The following AGXT2 variants were observed in gnomAD, a reference collection of about 807,000 sequenced individuals.
AGXT2 encodes alanine--glyoxylate aminotransferase 2.
AGXT2 carries 61 observed loss-of-function variants against 62.5 expected under a neutral mutation model. The observed-to-expected ratio is 0.98, with a 90% CI of 0.79 to 1.21. The LOEUF (loss-of-function observed/expected upper bound fraction) is 1.21. Among genes scored for constraint, AGXT2 ranks in the 50% most tolerant of loss-of-function variants. AGXT2 has a pLI of 0.00. For missense variants in AGXT2, 666 were observed against 641.5 expected, an observed-to-expected ratio of 1.04 and a Z score of -0.41; for synonymous variants, 243 against 218.7, an observed-to-expected ratio of 1.11 and a Z score of -0.98.
chr5:35,024,254 G>A (rs562370018), intron 9 of AGXT2, among the ~76,000 whole-genome samples: 7 of 152,190 alleles, frequency 4.6e-5, no homozygotes, highest in Non-Finnish European at 8.8e-5. Context: ...GACAGAAATA[G>A]GTGTGAAACA....
At chr5:35,033,264 A>G in intron 6 of AGXT2, 196 bp downstream of exon 6, 1 of 591,010 alleles carries the variant, frequency 1.7e-6, no homozygotes, top group Non-Finnish European at 3.0e-6. Context: ...AAACTCTGTC[A>G]TTAATTATTA....
chr5:35,009,774 TTG>T (rs1766559097), intron 12 of AGXT2, among the ~76,000 whole-genome samples: 3 of 152,202 alleles, frequency 2.0e-5, no homozygotes, highest in African/African-American at 2.4e-5. Context: ...AAGGATAATG[TTG>T]GTTTCTTTTC....
intron 13 of AGXT2, among the ~76,000 whole-genome samples, chr5:35,000,987 T>C (rs748150310): frequency 6.6e-6 from 1 of 152,220 alleles, no homozygotes; most frequent in Non-Finnish European, 1.5e-5. Flanking sequence ...CATGAGATAC[T>C]CAACACTTTA....
At chr5:35,035,398 C>A in intron 4 of AGXT2, 82 bp from the exon 5 acceptor site, 1 of 1,166,568 alleles carries the variant, frequency 8.6e-7, no homozygotes, top group Non-Finnish European at 1.3e-6. Context: ...GGGCAGGTGT[C>A]CAGCCCCTGA....
chr5:35,016,899 G>C (rs1229089410), intron 9 of AGXT2, among the ~76,000 whole-genome samples: 3 of 152,232 alleles, frequency 2.0e-5, no homozygotes, highest in African/African-American at 7.2e-5. Flanking sequence ...ATATGTTAGG[G>C]ACAGAAGCAG....
At chr5:35,031,862 T>G (rs1332958740) in intron 7 of AGXT2, among the ~76,000 whole-genome samples, 5 of 150,038 alleles carry the variant, frequency 3.3e-5, no homozygotes, top group Non-Finnish European at 7.4e-5. Context: ...TATGGGTTAA[T>G]AATCCCACCC....
intron 5 of AGXT2, among the ~76,000 whole-genome samples, 154 bp from the exon 6 acceptor site, chr5:35,033,707 A>C (rs1195819208): frequency 6.7e-6 from 1 of 149,410 alleles, no homozygotes; most frequent in Non-Finnish European, 1.5e-5. Context: ...TGTCGGATCA[A>C]TGTACTTAAT....
chr5:35,009,913 G>A, intron 12 of AGXT2, 87 bp downstream of exon 12: 1 of 1,564,192 alleles, frequency 6.4e-7, no homozygotes, highest in East Asian at 2.2e-5. Context: ...CTCTCTCCTT[G>A]AGAGTAAATG....
chr5:35,017,952 C>A (rs1766913601), intron 9 of AGXT2, among the ~76,000 whole-genome samples: 3 of 151,998 alleles, frequency 2.0e-5, no homozygotes, highest in Admixed American at 2.0e-4. Context: ...CTGATGAGAT[C>A]AACTGGAAGA....
intron 1 of AGXT2, 25 bp from the exon 2 acceptor site, chr5:35,040,688 C>T (rs747577679): frequency 1.3e-6 from 2 of 1,562,678 alleles, no homozygotes; most frequent in African/African-American, 2.7e-5. Context: ...AGTTAGAATC[C>T]TCAACTAAGC....
intron 12 of AGXT2, among the ~76,000 whole-genome samples, chr5:35,008,001 G>A (rs535761358): frequency 5.3e-5 from 8 of 151,914 alleles, no homozygotes; most frequent in South Asian, 4.2e-4. Flanking sequence ...ATATGCCAGC[G>A]CCTCTTCCCC....
intron 4 of AGXT2, among the ~76,000 whole-genome samples, chr5:35,036,096 A>C (rs1322291532): frequency 2.0e-5 from 3 of 151,952 alleles, no homozygotes; most frequent in Non-Finnish European, 2.9e-5. Context: ...AAAAAAAGCA[A>C]GTAAACAAAA....
intron 13 of AGXT2, among the ~76,000 whole-genome samples, chr5:35,002,775 C>CTGG (rs1766277669): frequency 1.2e-5 from 1 of 83,846 alleles, no homozygotes; most frequent in African/African-American, 5.1e-5. Flanking sequence ...TGATAGCAGG[C>CTGG]TGGGGGGGGG....
chr5:35,035,206 T>C lies in AGXT2; in HGVS notation c.581+16A>G. The C allele has an allele frequency of 6.2e-7, 1 of 1,610,386 alleles. No homozygotes were observed. Among genetic ancestry groups the C allele is most frequent in the South Asian group, 1.1e-5 (1 of 91,002 alleles). On this transcript the variant is annotated intron_variant, in intron 5 of 13. Coordinates refer to ENST00000231420, the MANE Select transcript of AGXT2 (RefSeq NM_031900.4). Reference sequence around the variant, plus strand: ...AGTCAGTGTTCCTAAAGTTGAATATTCCAAGTTGTGATTACCTGAAAGAAA... The same window carrying C: ...AGTCAGTGTTCCTAAAGTTGAATATCCCAAGTTGTGATTACCTGAAAGAAA...
At chr5:35,043,096 G>C (rs550828010) in intron 1 of AGXT2, among the ~76,000 whole-genome samples, 1 of 152,294 alleles carries the variant, frequency 6.6e-6, no homozygotes, top group East Asian at 1.9e-4. Context: ...TTCTATAGCA[G>C]ACAGTTCACT....
At chr5:35,033,664 C>T in intron 5 of AGXT2, 111 bp from the exon 6 acceptor site, 1 of 800,822 alleles carries the variant, frequency 1.2e-6, no homozygotes, top group South Asian at 1.4e-5. Flanking sequence ...CATTCGCATT[C>T]ACCTCTGATT....
intron 13 of AGXT2, among the ~76,000 whole-genome samples, chr5:35,003,425 T>A (rs1766306266): frequency 6.6e-6 from 1 of 152,192 alleles, no homozygotes; most frequent in Non-Finnish European, 1.5e-5. Context: ...AGATAGATTA[T>A]TTACTGCATG....
chr5:35,041,890 T>G (rs1768005269), intron 1 of AGXT2, among the ~76,000 whole-genome samples: 1 of 152,242 alleles, frequency 6.6e-6, no homozygotes, highest in African/African-American at 2.4e-5. Flanking sequence ...GTCATTAATT[T>G]GCTTTTACTT....
chr5:35,038,174 C>G (rs541791581), intron 3 of AGXT2, among the ~76,000 whole-genome samples: 2 of 152,262 alleles, frequency 1.3e-5, no homozygotes, highest in South Asian at 4.1e-4. Flanking sequence ...GACCCTTTTC[C>G]ACGGAAACTC....
Sources: allele counts gnomAD v4.1 joint callset (sites outside exome capture counted in the v4.1 genomes callset), GRCh38; gene constraint gnomAD v4.1.1; transcripts MANE v1.5; gene names NCBI Gene and HGNC (gene_info 2026-07-23, HGNC 2026-07-21).